The following RASAL2 variants were observed in gnomAD, a reference collection of about 807,000 sequenced individuals.
RASAL2 encodes the protein ras GTPase-activating protein nGAP.
A neutral mutation model predicts 128.9 loss-of-function variants in RASAL2; 58 were observed. That is an observed-to-expected ratio of 0.45 (90% CI 0.36 to 0.56). RASAL2 has a LOEUF of 0.56. Ranked by LOEUF, RASAL2 falls within the 20% of genes least tolerant of loss-of-function variation. RASAL2 has a pLI of 0.00. For missense variants in RASAL2, 1,360 were observed against 1,601.6 expected (o/e 0.85, Z 2.57); for synonymous variants, 561 against 580.8 (o/e 0.97, Z 0.49).
chr1:178,310,554 A>G (rs1473486854), intron 3 of RASAL2, among the ~76,000 whole-genome samples: 1 of 152,154 alleles, frequency 6.6e-6, no homozygotes, highest in Non-Finnish European at 1.5e-5. Context: ...TGTTACTCTT[A>G]TGAGCTAGAT....
In RASAL2 at chr1:178,175,585, A is replaced by G. The variant is rs138031203; in HGVS notation, c.202+80891A>G. Among the ~76,000 whole-genome samples the G allele has an allele frequency of 2.0e-5, 3 of 152,044 alleles. No individual in the cohort carries two copies. The East Asian group carries it at 5.8e-4, about 29-fold the overall frequency. ...TTTAGTGTACAAGTGGTTTTTGGTT[A>G]TATAGATGAATTGTATAGTGGTGAA... On this transcript the variant is annotated intron_variant, in intron 1 of 17. Coordinates refer to ENST00000367649, the MANE Select transcript of RASAL2 (RefSeq NM_170692.4).
intron 1 of RASAL2, among the ~76,000 whole-genome samples, chr1:178,168,243 A>T (rs1442599788): frequency 6.6e-6 from 1 of 151,322 alleles, no homozygotes; most frequent in Non-Finnish European, 1.5e-5. Context: ...AATAACTAAG[A>T]TTTAGTCTTA....
At chr1:178,242,186 C>T (rs1428696922) in intron 1 of RASAL2, among the ~76,000 whole-genome samples, 3 of 152,140 alleles carry the variant, frequency 2.0e-5, no homozygotes, top group Admixed American at 6.6e-5. Context: ...ACACCCTCTG[C>T]CTTCCCCACT....
rs74131353 is a variant in RASAL2 at position 178,432,172 on chromosome 1, T to C, written c.675-7250T>C. Among the ~76,000 whole-genome samples the C allele has an allele frequency of 5.5e-3, 841 of 152,122 alleles. 11 individuals carry two copies. Among genetic ancestry groups the C allele is most frequent in the African/African-American group, 0.019 (786 of 41,552 alleles). Reference sequence around the variant, plus strand: ...TTTTAAAAAACCTGTTTCAAACCCATGTCTCCCTCTAGCTATTTTACTGTT... The same window carrying C: ...TTTTAAAAAACCTGTTTCAAACCCACGTCTCCCTCTAGCTATTTTACTGTT... On this transcript the variant is annotated intron_variant, in intron 5 of 17. Transcript: ENST00000367649.
intron 1 of RASAL2, among the ~76,000 whole-genome samples, chr1:178,162,904 A>T (rs1192197338): frequency 6.6e-6 from 1 of 151,808 alleles, no homozygotes; most frequent in African/African-American, 2.4e-5. Context: ...TATATACTTG[A>T]TACTAGAACC....
chr1:178,411,592 C>T (rs749535860), intron 4 of RASAL2: 42 of 717,898 alleles, frequency 5.9e-5, no homozygotes, highest in Non-Finnish European at 9.8e-5. Flanking sequence ...GATGGAGAGA[C>T]GACATGCAGA....
chr1:178,114,372 C>G (rs373872619), intron 1 of RASAL2, among the ~76,000 whole-genome samples: 6 of 151,944 alleles, frequency 3.9e-5, no homozygotes, highest in African/African-American at 1.5e-4. Context: ...AAGATGTTCC[C>G]TCCTATTTTT....
intron 3 of RASAL2, among the ~76,000 whole-genome samples, chr1:178,348,985 G>T (rs1201617712): frequency 6.6e-6 from 1 of 151,106 alleles, no homozygotes; most frequent in Non-Finnish European, 1.5e-5. Flanking sequence ...ATTTTTAGTG[G>T]AGACGGGCTT....
intron 1 of RASAL2, among the ~76,000 whole-genome samples, chr1:178,147,298 G>A (rs745935351): frequency 3.3e-5 from 5 of 151,872 alleles, no homozygotes; most frequent in Non-Finnish European, 7.4e-5. Context: ...AGACCATCCT[G>A]GGCAACATGG....
intron 1 of RASAL2, among the ~76,000 whole-genome samples, chr1:178,097,967 A>G (rs962139536): frequency 2.6e-5 from 4 of 152,234 alleles, no homozygotes; most frequent in Non-Finnish European, 2.9e-5. Context: ...AGGTGGCTCT[A>G]TATTTAGAAC....
chr1:178,274,545 A>G (rs1196184527), intron 1 of RASAL2, among the ~76,000 whole-genome samples: 3 of 152,112 alleles, frequency 2.0e-5, no homozygotes, highest in Non-Finnish European at 4.4e-5. Context: ...ATATAATACT[A>G]TGGTCATATT....
At chr1:178,277,490 C>CT (rs1444465975) in intron 1 of RASAL2, among the ~76,000 whole-genome samples, 7 of 152,174 alleles carry the variant, frequency 4.6e-5, no homozygotes, top group African/African-American at 1.7e-4. Context: ...AAAGTGATCA[C>CT]TTTAATTCTT....
At chr1:178,439,232 A>C (rs376593857) in intron 5 of RASAL2, among the ~76,000 whole-genome samples, 190 bp from the exon 6 acceptor site, 1 of 152,066 alleles carries the variant, frequency 6.6e-6, no homozygotes, top group Non-Finnish European at 1.5e-5. Flanking sequence ...TCACATAGAT[A>C]TATAGAGAGA....
intron 1 of RASAL2, among the ~76,000 whole-genome samples, chr1:178,180,746 TAGCC>T (rs1662078225): frequency 1.3e-5 from 2 of 149,680 alleles, no homozygotes; most frequent in African/African-American, 2.4e-5. Flanking sequence ...AATTTTTAAT[TAGCC>T]TCTCAGCTAG....
chr1:178,117,649 G>A (rs1659564541), intron 1 of RASAL2, among the ~76,000 whole-genome samples: 1 of 152,152 alleles, frequency 6.6e-6, no homozygotes, highest in African/African-American at 2.4e-5. Flanking sequence ...TAAAAGGGGT[G>A]CAAGGGAGCT....
At chr1:178,271,728 CTG>C (rs1666268258) in intron 1 of RASAL2, among the ~76,000 whole-genome samples, 1 of 152,206 alleles carries the variant, frequency 6.6e-6, no homozygotes, top group Non-Finnish European at 1.5e-5. Flanking sequence ...TGTCATTCCT[CTG>C]TTTAAAATTC....
chr1:178,173,260 G>A (rs1661767305), intron 1 of RASAL2, among the ~76,000 whole-genome samples: 1 of 152,062 alleles, frequency 6.6e-6, no homozygotes, highest in South Asian at 2.1e-4. Flanking sequence ...CTGCCCTGGA[G>A]GAATGATCAA....
At chr1:178,132,518 C>A (rs900829421) in intron 1 of RASAL2, among the ~76,000 whole-genome samples, 1 of 152,072 alleles carries the variant, frequency 6.6e-6, no homozygotes, top group Non-Finnish European at 1.5e-5. Flanking sequence ...ATGAGGAGAA[C>A]ATAAATCACC....
At chr1:178,399,271 T>TG (rs772852231) in intron 4 of RASAL2, among the ~76,000 whole-genome samples, 2 of 150,228 alleles carry the variant, frequency 1.3e-5, no homozygotes, top group Non-Finnish European at 3.0e-5. Context: ...GCACAACCCA[T>TG]GGTGTCTTGG....
Sources: allele counts gnomAD v4.1 joint callset (sites outside exome capture counted in the v4.1 genomes callset), GRCh38; gene constraint gnomAD v4.1.1; transcripts MANE v1.5; gene names NCBI Gene and HGNC (gene_info 2026-07-23, HGNC 2026-07-21).